ITPR2: variants seen among roughly 807,000 people sequenced by gnomAD.
ITPR2 encodes inositol 1,4,5-trisphosphate receptor type 2, also known as inositol 1,4,5-trisphosphate-gated calcium channel ITPR2.
Under a neutral mutation model 317.1 loss-of-function variants are expected in ITPR2, and 207 were observed. The ratio of observed to expected loss-of-function variants is 0.65; its 90% CI spans 0.58 to 0.73. ITPR2 has a LOEUF of 0.73. Among genes scored for constraint, ITPR2 ranks in the 30% least tolerant of loss-of-function variants. The pLI is 0.00. For missense variants in ITPR2, 2,613 were observed against 3,284.0 expected, an observed-to-expected ratio of 0.80 and a Z score of 4.99; for synonymous variants, 1,156 against 1,149.1, an observed-to-expected ratio of 1.01 and a Z score of -0.12.
At chr12:26,516,264 A>G (rs1943496639) in intron 37 of ITPR2, among the ~76,000 whole-genome samples, 1 of 48,960 alleles carries the variant, frequency 2.0e-5, no homozygotes, top group Non-Finnish European at 5.0e-5. Flanking sequence ...AAGGAAAGGA[A>G]AGGAAAGGAA....
chr12:26,596,502 C>A (rs1945848861), intron 31 of ITPR2, among the ~76,000 whole-genome samples: 1 of 152,068 alleles, frequency 6.6e-6, no homozygotes, highest in Non-Finnish European at 1.5e-5. Flanking sequence ...CAAAAATTAG[C>A]TGAGCATGGT....
intron 1 of ITPR2, among the ~76,000 whole-genome samples, chr12:26,800,344 G>A (rs919494460): frequency 6.6e-6 from 1 of 152,206 alleles, no homozygotes; most frequent in Non-Finnish European, 1.5e-5. Flanking sequence ...TACTATGCAT[G>A]AGTCACCAAA....
At chr12:26,461,904 T>G (rs1267450526) in intron 45 of ITPR2, among the ~76,000 whole-genome samples, 1 of 151,722 alleles carries the variant, frequency 6.6e-6, no homozygotes, top group African/African-American at 2.4e-5. Context: ...AAGGGGACTT[T>G]TTTTTTGGTC....
chr12:26,694,078 CT>C (rs1311665041), intron 10 of ITPR2, among the ~76,000 whole-genome samples: 1 of 152,150 alleles, frequency 6.6e-6, no homozygotes, highest in Non-Finnish European at 1.5e-5. Flanking sequence ...AAAAATAAAC[CT>C]TGTGAAAGAG....
chr12:26,763,735 C>T (rs1289772125), intron 2 of ITPR2, among the ~76,000 whole-genome samples: 1 of 152,076 alleles, frequency 6.6e-6, no homozygotes, highest in Non-Finnish European at 1.5e-5. Context: ...ACTTGCACAG[C>T]CCTAAAGAAG....
intron 21 of ITPR2, among the ~76,000 whole-genome samples, chr12:26,646,119 T>C (rs1364555292): frequency 6.6e-6 from 1 of 152,020 alleles, no homozygotes; most frequent in African/African-American, 2.4e-5. Context: ...TCTAAAAAGG[T>C]TGTTTTGCAA....
In ITPR2 at chr12:26,694,286, G is replaced by C. The variant is rs1948294877; in HGVS notation, c.996+1320C>G. On this transcript the variant is annotated intron_variant, in intron 10 of 56. Transcript: ENST00000381340. Reference sequence around the variant, plus strand: ...TGAATATTGTCCAAGCCACAAAAATGACTAAATATCCCTCTCCCCCAACTA... The same window carrying C: ...TGAATATTGTCCAAGCCACAAAAATCACTAAATATCCCTCTCCCCCAACTA... Among the ~76,000 whole-genome samples the C allele has an allele frequency of 2.6e-5, 4 of 152,118 alleles. 1 individual carries two copies. In the South Asian group the frequency reaches 8.3e-4, roughly 32 times the overall value.
intron 11 of ITPR2, among the ~76,000 whole-genome samples, chr12:26,684,177 G>A (rs954827435): frequency 6.6e-6 from 1 of 152,232 alleles, no homozygotes; most frequent in African/African-American, 2.4e-5. Context: ...AATTACACAG[G>A]AGATGTAATT....
intron 48 of ITPR2, among the ~76,000 whole-genome samples, chr12:26,429,226 A>G (rs1264987862): frequency 6.6e-6 from 1 of 152,242 alleles, no homozygotes; most frequent in Admixed American, 6.5e-5. Flanking sequence ...AAATCAGATA[A>G]TGAACAGCAT....
In ITPR2 at chr12:26,443,571, T is replaced by C; in HGVS notation, c.6422A>G (p.Tyr2141Cys). ...DPDEGDEALK[Y>C]YANHTAQIEI... ...AATCTGTGCAGTGTGGTTGGCATAA[T>C]ACTTTAAGGCTTCATCTCCTTCATC... The change falls in exon 46 of 57, where the codon TAT (tyrosine) becomes TGT (cysteine). Residue 2141 changes from tyrosine (Y) to cysteine (C), a missense_variant. Tyr to Cys is a radical substitution (Grantham distance 194, BLOSUM62 -2). This residue lies in a region of ITPR2 where 926 missense variants were observed against 1,072.8 expected (regional missense o/e 0.86). Transcript: ENST00000381340. 6.2e-7 allele frequency: 1 copy of C among 1,612,892 alleles called. No homozygotes were observed. The highest frequency in any genetic ancestry group is 1.1e-5 in the South Asian group (1 of 91,060).
intron 9 of ITPR2, among the ~76,000 whole-genome samples, chr12:26,700,915 TTAAC>T (rs751885162): frequency 2.0e-4 from 30 of 152,312 alleles, no homozygotes; most frequent in Non-Finnish European, 3.1e-4. Context: ...TCTCAAGTCT[TTAAC>T]TATGAACTAA....
In ITPR2 at chr12:26,788,152, C is replaced by T. The variant is rs189114445; in HGVS notation, c.163+2005G>A. Among the ~76,000 whole-genome samples, 224 of 151,868 alleles carry T rather than the reference C, an allele frequency of 1.5e-3. 1 individual carries two copies. Among genetic ancestry groups the T allele is most frequent in the African/African-American group, 4.6e-3 (189 of 41,382 alleles). On this transcript the variant is annotated intron_variant, in intron 2 of 56. Coordinates refer to ENST00000381340, the MANE Select transcript of ITPR2 (RefSeq NM_002223.4). ...GGTCAGACTGGTCTCGAACTCCCGA[C>T]CTCAGGTGATCCACCCGCCTTGGCC...
chr12:26,531,874 A>C (rs546127549), intron 37 of ITPR2, among the ~76,000 whole-genome samples: 2 of 152,274 alleles, frequency 1.3e-5, no homozygotes, highest in South Asian at 2.1e-4. Flanking sequence ...CTTGAAGTTT[A>C]TTTTTCTGAA....
At chr12:26,450,998 T>G (rs542444973) in intron 45 of ITPR2, among the ~76,000 whole-genome samples, 5 of 152,306 alleles carry the variant, frequency 3.3e-5, no homozygotes, top group South Asian at 2.1e-4. Context: ...TTCTTGTCCT[T>G]CTTTCTTTCC....
In ITPR2 at chr12:26,540,776, T is replaced by C. The variant is rs183907877; in HGVS notation, c.5073+9471A>G. Among the ~76,000 whole-genome samples the C allele has an allele frequency of 1.3e-3, 191 of 152,306 alleles. 1 individual carries two copies. Among genetic ancestry groups the C allele is most frequent in the African/African-American group, 3.6e-3 (150 of 41,566 alleles). On this transcript the variant is annotated intron_variant, in intron 37 of 56. Transcript: ENST00000381340. ...TCATCCAGTAAATTTATCACTTTTA[T>C]AGTCTAACAAGTGACCAAACCAGCC...
chr12:26,503,047 T>C (rs186559491), intron 37 of ITPR2, among the ~76,000 whole-genome samples: 40 of 152,094 alleles, frequency 2.6e-4, no homozygotes, highest in African/African-American at 9.7e-4. Context: ...TTCTCAACAG[T>C]AGTGCAGTCC....
At chr12:26,796,682 G>T (rs765387072) in intron 1 of ITPR2, among the ~76,000 whole-genome samples, 2 of 152,136 alleles carry the variant, frequency 1.3e-5, no homozygotes, top group Non-Finnish European at 2.9e-5. Flanking sequence ...AACTGTTTAT[G>T]ATAGCAACAA....
intron 14 of ITPR2, among the ~76,000 whole-genome samples, chr12:26,665,365 G>C (rs1947601912): frequency 6.6e-6 from 1 of 152,166 alleles, no homozygotes; most frequent in Non-Finnish European, 1.5e-5. Flanking sequence ...GTCCATGGTA[G>C]GCTGTCTCTA....
intron 9 of ITPR2, among the ~76,000 whole-genome samples, chr12:26,698,313 C>T (rs1948387172): frequency 6.6e-6 from 1 of 152,034 alleles, no homozygotes; most frequent in Non-Finnish European, 1.5e-5. Flanking sequence ...ATTTTAAAAG[C>T]ATGTCATGTA....
Sources: gnomAD v4.1 joint callset for allele counts (sites outside exome capture counted in the v4.1 genomes callset) on GRCh38, gnomAD v4.1.1 for gene constraint, gnomAD v4.1.1 regional missense constraint, MANE v1.5 for transcripts, NCBI Gene and HGNC (gene_info 2026-07-23, HGNC 2026-07-21) for gene names.